Variants in SH3BGRL2 observed in about 807,000 individuals in gnomAD.
SH3BGRL2 encodes the protein SH3 domain binding glutamate rich protein like 2.
SH3BGRL2 carries 21 observed loss-of-function variants against 14.8 expected under a neutral mutation model. The ratio of observed to expected loss-of-function variants is 1.42; its 90% confidence interval spans 1.01 to 2.05. The LOEUF (loss-of-function observed/expected upper bound fraction) is 2.05, where lower values mean the gene tolerates loss of function less well. SH3BGRL2 is among the 30% of genes most tolerant of loss of function. The pLI is 0.00. For synonymous variants in SH3BGRL2, 50 were observed against 47.8 expected (o/e 1.05, Z -0.19); for missense variants, 147 against 130.8 (o/e 1.12, Z -0.61).
the SH3BGRL2 span, among the ~76,000 whole-genome samples, chr6:79,610,323 A>G: frequency 2.0e-5 from 3 of 152,208 alleles, no homozygotes; most frequent in Admixed American, 6.5e-5. Context: ...TTTTGGAATT[A>G]TGTGCCATTG....
chr6:79,547,513 G>A, the SH3BGRL2 span, among the ~76,000 whole-genome samples: 59 of 152,182 alleles, frequency 3.9e-4, no homozygotes, highest in Non-Finnish European at 4.9e-4. Context: ...AGTGAGGCCC[G>A]TGTTGCCTCC....
chr6:79,577,696 A>G, the SH3BGRL2 span, among the ~76,000 whole-genome samples: 1 of 152,250 alleles, frequency 6.6e-6, no homozygotes, highest in Non-Finnish European at 1.5e-5. Context: ...TGCAGCTCCC[A>G]GTGTGATCAA....
intron 1 of SH3BGRL2, among the ~76,000 whole-genome samples, chr6:79,669,201 C>T (rs912533375): frequency 1.3e-5 from 2 of 152,116 alleles, no homozygotes; most frequent in East Asian, 3.9e-4. Flanking sequence ...AGAACAAAAA[C>T]AAAGAGACAT....
chr6:79,684,873 C>G (rs1770061073), intron 2 of SH3BGRL2, among the ~76,000 whole-genome samples: 1 of 152,136 alleles, frequency 6.6e-6, no homozygotes, highest in Non-Finnish European at 1.5e-5. Context: ...GGAGAATGTT[C>G]TCCATCAGAT....
intron 2 of SH3BGRL2, among the ~76,000 whole-genome samples, chr6:79,694,601 A>C (rs768073234): frequency 6.6e-6 from 1 of 152,288 alleles, no homozygotes; most frequent in Non-Finnish European, 1.5e-5. Context: ...TGCTCAGCTG[A>C]TATCTTCTTT....
chr6:79,619,804 C>T, the SH3BGRL2 span, among the ~76,000 whole-genome samples: 1 of 152,188 alleles, frequency 6.6e-6, no homozygotes, highest in Non-Finnish European at 1.5e-5. Flanking sequence ...TATTCCTTTT[C>T]TCTTCTATAG....
the SH3BGRL2 span, among the ~76,000 whole-genome samples, chr6:79,560,188 A>G: frequency 6.6e-6 from 1 of 152,326 alleles, no homozygotes; most frequent in East Asian, 1.9e-4. Context: ...ACCTAAACAA[A>G]GTGTAAATTC....
intron 1 of SH3BGRL2, 33 bp from the exon 2 acceptor site, chr6:79,673,581 G>T (rs373832978): frequency 6.9e-6 from 11 of 1,599,172 alleles, no homozygotes; most frequent in South Asian, 1.1e-5. Flanking sequence ...TCAGATAAGC[G>T]TATCTACTTA....
At chr6:79,668,929 A>G (rs1213556416) in intron 1 of SH3BGRL2, among the ~76,000 whole-genome samples, 1 of 152,178 alleles carries the variant, frequency 6.6e-6, no homozygotes, top group African/African-American at 2.4e-5. Flanking sequence ...CCTAAGCACA[A>G]TGCTTTTCAA....
At chr6:79,660,174 G>A (rs1374825707) in intron 1 of SH3BGRL2, among the ~76,000 whole-genome samples, 1 of 152,068 alleles carries the variant, frequency 6.6e-6, no homozygotes, top group African/African-American at 2.4e-5. Flanking sequence ...TTCCAACACT[G>A]TGTTGAATCG....
chr6:79,559,354 A>G, the SH3BGRL2 span, among the ~76,000 whole-genome samples: 2 of 152,114 alleles, frequency 1.3e-5, no homozygotes, highest in Admixed American at 6.6e-5. Context: ...AGACAGGTGG[A>G]TATTTTGTGT....
intron 2 of SH3BGRL2, among the ~76,000 whole-genome samples, chr6:79,692,236 AT>A (rs1347522690): frequency 6.6e-6 from 1 of 151,912 alleles, no homozygotes; most frequent in African/African-American, 2.4e-5. Flanking sequence ...ATTTGAGTTC[AT>A]TGTAGATTCT....
At chr6:79,557,374 T>C in the SH3BGRL2 span, among the ~76,000 whole-genome samples, 1 of 152,004 alleles carries the variant, frequency 6.6e-6, no homozygotes, top group South Asian at 2.1e-4. Context: ...GCCTAATTCA[T>C]GATAATTTGA....
chr6:79,540,049 T>C, the SH3BGRL2 span, among the ~76,000 whole-genome samples: 2 of 152,188 alleles, frequency 1.3e-5, no homozygotes, highest in Admixed American at 1.3e-4. Context: ...GGTAAATAGT[T>C]GGTTTTAGCA....
At chr6:79,560,366 C>T in the SH3BGRL2 span, among the ~76,000 whole-genome samples, 2 of 152,140 alleles carry the variant, frequency 1.3e-5, no homozygotes, top group African/African-American at 4.8e-5. Context: ...CATATAGTAG[C>T]ATCAGACTGA....
intron 1 of SH3BGRL2, among the ~76,000 whole-genome samples, chr6:79,646,586 T>G (rs2127725130): frequency 6.6e-6 from 1 of 152,346 alleles, no homozygotes; most frequent in South Asian, 2.1e-4. Context: ...TTTTAAAAAT[T>G]GTATGTCCCA....
Position 79,684,496 on chromosome 6 carries a change from C to T in SH3BGRL2, c.231+10697C>T, listed in dbSNP as rs565514317. ...TAGATTGCTAGAAACACAGAACATACCTAACAAACATGGTTATATGAATGG... is the reference window on the plus strand; with the variant it reads ...TAGATTGCTAGAAACACAGAACATATCTAACAAACATGGTTATATGAATGG... On this transcript the variant is annotated intron_variant, in intron 2 of 3. Coordinates refer to ENST00000369838, the MANE Select transcript of SH3BGRL2 (RefSeq NM_031469.4). Among the ~76,000 whole-genome samples the T allele has an allele frequency of 7.2e-5, 11 of 152,120 alleles. No homozygotes were observed. In the South Asian group the frequency reaches 2.1e-3, roughly 29 times the overall value.
the SH3BGRL2 span, among the ~76,000 whole-genome samples, chr6:79,573,691 CA>C: frequency 6.6e-6 from 1 of 152,114 alleles, no homozygotes. Context: ...AAAGTCTGCA[CA>C]ACTATTGGTA....
the SH3BGRL2 span, among the ~76,000 whole-genome samples, chr6:79,615,668 C>T: frequency 3.9e-5 from 6 of 152,138 alleles, no homozygotes; most frequent in African/African-American, 1.4e-4. Flanking sequence ...ATTGTTTTTA[C>T]TTTAAGGGTC....
Sources: allele counts gnomAD v4.1 joint callset (sites outside exome capture counted in the v4.1 genomes callset), GRCh38; gene constraint gnomAD v4.1.1; transcripts MANE v1.5; gene names NCBI Gene and HGNC (gene_info 2026-07-23, HGNC 2026-07-21).